Variants in CNTNAP2 observed in about 807,000 individuals in gnomAD.
The protein encoded by CNTNAP2 is contactin-associated protein-like 2.
CNTNAP2 carries 98 observed loss-of-function variants against 155.2 expected under a neutral mutation model. That is an observed-to-expected ratio of 0.63 (90% confidence interval 0.54 to 0.75). CNTNAP2 has a LOEUF of 0.75. Among genes scored for constraint, CNTNAP2 ranks in the 30% least tolerant of loss-of-function variants. The pLI, the probability that CNTNAP2 is intolerant of heterozygous loss-of-function variation, is 0.00. For synonymous variants in CNTNAP2, 651 were observed against 631.2 expected, an observed-to-expected ratio of 1.03 and a Z score of -0.47; for missense variants, 1,727 against 1,688.1, an observed-to-expected ratio of 1.02 and a Z score of -0.40.
At chr7:147,180,635 TA>T (rs765448549) in intron 8 of CNTNAP2, among the ~76,000 whole-genome samples, 30 of 152,016 alleles carry the variant, frequency 2.0e-4, no homozygotes, top group African/African-American at 6.0e-4. Context: ...GAGCAGCCAT[TA>T]AAAAAATGCA....
At chr7:146,304,504 G>T (rs1004838215) in intron 1 of CNTNAP2, among the ~76,000 whole-genome samples, 4 of 151,994 alleles carry the variant, frequency 2.6e-5, no homozygotes, top group African/African-American at 9.7e-5. Flanking sequence ...GTCTGTAAAG[G>T]ATTTTATTTC....
At chr7:146,653,616 A>G (rs1174772433) in intron 1 of CNTNAP2, among the ~76,000 whole-genome samples, 1 of 152,224 alleles carries the variant, frequency 6.6e-6, no homozygotes, top group Non-Finnish European at 1.5e-5. Context: ...TTGAATGCTA[A>G]TATGATGGTC....
At chr7:147,562,012 C>T (rs1475411863) in intron 11 of CNTNAP2, 126 bp from the exon 12 acceptor site, 28 of 1,233,880 alleles carry the variant, frequency 2.3e-5, no homozygotes, top group East Asian at 4.8e-5. Context: ...AGACAAAGAA[C>T]GCTCTTTCCA....
chr7:146,126,304 T>G (rs1034520768), intron 1 of CNTNAP2, among the ~76,000 whole-genome samples: 4 of 152,242 alleles, frequency 2.6e-5, no homozygotes, highest in South Asian at 2.1e-4. Flanking sequence ...ATCTTTTTGT[T>G]TACTTATTCC....
chr7:147,399,697 G>T (rs1006055364), intron 10 of CNTNAP2, among the ~76,000 whole-genome samples: 1 of 152,160 alleles, frequency 6.6e-6, no homozygotes, highest in Non-Finnish European at 1.5e-5. Flanking sequence ...AAGAGAGTTG[G>T]ATATATGTAT....
intron 1 of CNTNAP2, among the ~76,000 whole-genome samples, chr7:146,762,114 A>G (rs1802112474): frequency 6.6e-6 from 1 of 152,178 alleles, no homozygotes. Flanking sequence ...AGAGACAAAA[A>G]GTTGATTTGG....
At chr7:147,236,211 C>A (rs1277195799) in intron 8 of CNTNAP2, among the ~76,000 whole-genome samples, 1 of 152,228 alleles carries the variant, frequency 6.6e-6, no homozygotes, top group African/African-American at 2.4e-5. Context: ...TTCACTAACA[C>A]TTCATATCAA....
chr7:146,273,356 T>G (rs1475747626), intron 1 of CNTNAP2, among the ~76,000 whole-genome samples: 1 of 152,050 alleles, frequency 6.6e-6, no homozygotes, highest in Non-Finnish European at 1.5e-5. Flanking sequence ...GTAAGATAAT[T>G]TCTTATGATT....
chr7:147,409,792 A>G (rs1797072076), intron 10 of CNTNAP2, among the ~76,000 whole-genome samples: 1 of 152,046 alleles, frequency 6.6e-6, no homozygotes, highest in South Asian at 2.1e-4. Flanking sequence ...CCATCATGAA[A>G]AAAAAAAAAA....
chr7:146,344,021 A>T (rs527881647), intron 1 of CNTNAP2, among the ~76,000 whole-genome samples: 1 of 152,208 alleles, frequency 6.6e-6, no homozygotes, highest in Non-Finnish European at 1.5e-5. Flanking sequence ...ATCATAAAAA[A>T]TTATAAATGA....
At chr7:146,766,544 A>G (rs538144545) in intron 1 of CNTNAP2, among the ~76,000 whole-genome samples, 1 of 152,316 alleles carries the variant, frequency 6.6e-6, no homozygotes, top group Non-Finnish European at 1.5e-5. Context: ...CTTCAAAAGC[A>G]CAGGCCTTAG....
intron 1 of CNTNAP2, among the ~76,000 whole-genome samples, chr7:146,719,774 C>A (rs941156101): frequency 1.1e-4 from 17 of 151,560 alleles, no homozygotes; most frequent in Non-Finnish European, 2.1e-4. Flanking sequence ...GGAAAGGTAA[C>A]CTTTTGATTT....
intron 1 of CNTNAP2, among the ~76,000 whole-genome samples, chr7:146,532,981 A>C (rs1163720034): frequency 1.3e-5 from 2 of 151,828 alleles, no homozygotes; most frequent in Admixed American, 1.3e-4. Context: ...GTGTGCCTGT[A>C]ATCCCAGCTA....
At chr7:147,870,870 T>C (rs972262027) in intron 13 of CNTNAP2, among the ~76,000 whole-genome samples, 1 of 152,060 alleles carries the variant, frequency 6.6e-6, no homozygotes, top group African/African-American at 2.4e-5. Context: ...CTGGCTTACC[T>C]CCGTGGTCTG....
chr7:146,664,679 TTTTC>T (rs1180857148), intron 1 of CNTNAP2, among the ~76,000 whole-genome samples: 1 of 152,206 alleles, frequency 6.6e-6, no homozygotes, highest in Non-Finnish European at 1.5e-5. Flanking sequence ...TGGAAATTCT[TTTTC>T]TTTATTGTTA....
chr7:148,145,343 G>A (rs1805157527), intron 16 of CNTNAP2, among the ~76,000 whole-genome samples: 1 of 152,144 alleles, frequency 6.6e-6, no homozygotes, highest in Non-Finnish European at 1.5e-5. Context: ...ATTGGGACAA[G>A]CAAAAAGTAT....
At chr7:147,674,906 A>G (rs1427836339) in intron 13 of CNTNAP2, among the ~76,000 whole-genome samples, 1 of 150,200 alleles carries the variant, frequency 6.7e-6, no homozygotes, top group Non-Finnish European at 1.5e-5. Flanking sequence ...ATGCATGATC[A>G]GCTCTTTTTT....
intron 13 of CNTNAP2, among the ~76,000 whole-genome samples, chr7:147,802,145 G>A (rs201703337): frequency 0.3 from 43,695 of 145,674 alleles, 6,611 homozygotes; most frequent in African/African-American, 0.41. Flanking sequence ...ACGGGGTCGC[G>A]GCCGGGCAGA....
Position 147,915,770 on chromosome 7 carries a change from G to GA in CNTNAP2, c.2255+12057dup, listed in dbSNP as rs201262578. 6.1e-3 allele frequency among the ~76,000 whole-genome samples: 908 copies of GA among 149,910 alleles called. 2 individuals are homozygous for GA. The highest frequency in any genetic ancestry group is 0.017 in the Middle Eastern group (5 of 286). The stretch of plus-strand genomic sequence containing the variant: ...GGTGGCGGGCGGGGGTGAAGAAGAA[G>GA]AAAAAAAAGGAAACTCTTAATTTTA... On this transcript the variant is annotated intron_variant, in intron 14 of 23. Transcript: ENST00000361727.
Sources: allele counts gnomAD v4.1 joint callset (sites outside exome capture counted in the v4.1 genomes callset), GRCh38; gene constraint gnomAD v4.1.1; transcripts MANE v1.5; gene names NCBI Gene and HGNC (gene_info 2026-07-23, HGNC 2026-07-21).